MAPKBP1: variants seen among roughly 807,000 people sequenced by gnomAD.
MAPKBP1 encodes the protein mitogen-activated protein kinase binding protein 1.
MAPKBP1 carries 71 observed loss-of-function variants against 170.5 expected under a neutral mutation model. The observed-to-expected ratio is 0.42, with a 90% confidence interval of 0.34 to 0.51. The LOEUF is 0.51. Ranked by LOEUF, MAPKBP1 falls within the 20% of genes least tolerant of loss-of-function variation. The pLI is 0.06. For synonymous variants in MAPKBP1, 719 were observed against 757.9 expected (o/e 0.95, Z 0.84); for missense variants, 1,598 against 1,933.0 (o/e 0.83, Z 3.25).
chr15:41,797,901 A>G (rs763716144), intron 2 of MAPKBP1, among the ~76,000 whole-genome samples: 1 of 152,166 alleles, frequency 6.6e-6, no homozygotes, highest in African/African-American at 2.4e-5. Context: ...TTCGGCCACC[A>G]CAGGGCATTT....
intron 2 of MAPKBP1, among the ~76,000 whole-genome samples, chr15:41,795,223 T>C (rs954530553): frequency 1.3e-5 from 2 of 150,534 alleles, no homozygotes; most frequent in Non-Finnish European, 3.0e-5. Flanking sequence ...AAATTGGGTA[T>C]AAGATTATGG....
Position 41,775,313 on chromosome 15 carries a change from A to G in MAPKBP1, c.38A>G (p.Lys13Arg). 6.2e-7 allele frequency: 1 copy of G among 1,614,212 alleles called. No homozygotes were observed. Among genetic ancestry groups the G allele is most frequent in the Middle Eastern group, 1.6e-4 (1 of 6,062 alleles). The change falls in exon 2 of 31, where the codon AAG becomes AGG. Residue 13 changes from lysine (K) to arginine (R), a missense_variant. Physicochemically the swap from Lys to Arg is conservative, Grantham distance 26. This residue lies in a region of MAPKBP1 where 151 missense variants were observed against 191.4 expected (regional missense o/e 0.79). Coordinates refer to ENST00000457542, the MANE Select transcript of MAPKBP1 (RefSeq NM_014994.3). ...VEGSTITSRI[K>R]NLLRSPSIKL... ...GGGTCAACCATTACCAGCCGGATCA[A>G]GAATCTGTTGAGATCTCCATCCATC...
Position 41,812,644 on chromosome 15 carries a change from G to T in MAPKBP1, c.627G>T (p.Lys209Asn). The T allele has an allele frequency of 6.2e-7, 1 of 1,601,864 alleles. No individual in the cohort carries two copies. The highest frequency in any genetic ancestry group is 1.1e-5 in the South Asian group (1 of 89,292). ...HIKFWYLDDS[K>N]TSKVNATVPL... ...AATTCTGGTATCTCGATGACAGCAA[G>T]ACCTCAAAGGTGAGGTGCTGAAGCT... The change falls in exon 7 of 31, where the codon AAG (lysine) becomes AAT (asparagine). Residue 209 changes from lysine (K) to asparagine (N), a missense_variant. Transcript: ENST00000457542.
chr15:41,795,399 G>A (rs900164771), intron 2 of MAPKBP1, among the ~76,000 whole-genome samples: 2 of 151,926 alleles, frequency 1.3e-5, no homozygotes. Flanking sequence ...AGTTGGTAAG[G>A]TGGCTGGGGT....
In MAPKBP1 at chr15:41,818,886, G is replaced by A. The variant is rs1448488383; in HGVS notation, c.2220G>A (p.Glu740=). Reference sequence around the variant, plus strand: ...TCAGCATGAGGCAGCGTCTGGCCGAGTTGCGCCAGCGTCAGCGGGGCGGCA... The same window carrying A: ...TCAGCATGAGGCAGCGTCTGGCCGAATTGCGCCAGCGTCAGCGGGGCGGCA... ...MTISMRQRLA[E]LRQRQRGGKQ... Residue 740 remains glutamate, a synonymous_variant, in exon 20 of 31, where the codon GAG becomes GAA. Coordinates refer to ENST00000457542, the MANE Select transcript of MAPKBP1 (RefSeq NM_014994.3). The surrounding 1 kb of genome is among the most constrained non-coding windows in gnomAD (Gnocchi z 5.2). 6.2e-7 allele frequency: 1 copy of A among 1,614,250 alleles called. No individual in the cohort carries two copies. Among genetic ancestry groups the A allele is most frequent in the South Asian group, 1.1e-5 (1 of 91,088 alleles).
chr15:41,812,426 A>T (rs1199824909), intron 6 of MAPKBP1, 90 bp from the exon 7 acceptor site: 48 of 1,549,070 alleles, frequency 3.1e-5, no homozygotes, highest in Non-Finnish European at 4.1e-5. Context: ...TTTGTCAAGT[A>T]CAAATTCTAA....
At chr15:41,816,531 C>G in intron 12 of MAPKBP1, 28 bp from the exon 13 acceptor site, 1 of 1,560,380 alleles carries the variant, frequency 6.4e-7, no homozygotes, top group African/African-American at 1.4e-5. Context: ...TGGCCATGGC[C>G]TCTTCCCACC....
chr15:41,789,454 C>T (rs1050162013), intron 2 of MAPKBP1, among the ~76,000 whole-genome samples: 2 of 152,168 alleles, frequency 1.3e-5, no homozygotes, highest in African/African-American at 2.4e-5. Flanking sequence ...GACTTGGGCA[C>T]GTGCTGATGA....
chr15:41,791,051 T>C (rs2064387482), intron 2 of MAPKBP1, among the ~76,000 whole-genome samples: 1 of 152,168 alleles, frequency 6.6e-6, no homozygotes. Flanking sequence ...GTTCTTAACC[T>C]GCAGGAAGGG....
rs377003893 is a variant in MAPKBP1, at chr15:41,821,021, C to T, written c.2671C>T (p.Pro891Ser). The change falls in exon 23 of 31, where the codon CCC becomes TCC. Residue 891 changes from proline to serine, a missense_variant. Physicochemically the swap from Pro to Ser is moderately conservative, Grantham distance 74 (BLOSUM62 -1). Around this residue, in one of 6 missense-constraint regions of MAPKBP1, gnomAD observed 942 missense variants for 953.2 expected, o/e 0.99. Coordinates refer to ENST00000457542, the MANE Select transcript of MAPKBP1 (RefSeq NM_014994.3). ...QDSLAIIPSG[P>S]RKHGQEALET... ...CTCGCTGGCCATCATCCCATCTGGT[C>T]CCAGGAAGCATGGGCAGGAGGCCCT... is the stretch of plus-strand genomic sequence containing the variant. 5.6e-6 allele frequency: 9 copies of T among 1,614,172 alleles called. No homozygotes were observed. In the South Asian group the frequency reaches 8.8e-5, roughly 16 times the overall value.
chr15:41,817,791 G>C lies in MAPKBP1; in HGVS notation c.1904+56G>C, dbSNP rs1213459314. On this transcript the variant is annotated intron_variant, in intron 16 of 30. Transcript: ENST00000457542. The surrounding 1 kb of genome is among the most constrained non-coding windows in gnomAD (Gnocchi z 4.2). ...ATTCCTTCATCTCCCTACGGGGTCAGCTCTGTGCAGCTAAGTTCCCACATC... is the reference window on the plus strand; with the variant it reads ...ATTCCTTCATCTCCCTACGGGGTCACCTCTGTGCAGCTAAGTTCCCACATC... The C allele has an allele frequency of 6.3e-6, 10 of 1,595,296 alleles. No individual in the cohort carries two copies. Among genetic ancestry groups the C allele is most frequent in the Middle Eastern group, 1.7e-4 (1 of 6,036 alleles).
chr15:41,799,588 GGTACCAGCAGACTGAGC>G (rs1207506679), intron 2 of MAPKBP1, among the ~76,000 whole-genome samples: 1 of 152,116 alleles, frequency 6.6e-6, no homozygotes, highest in Non-Finnish European at 1.5e-5. Flanking sequence ...TCTTTCCTGT[GGTACCAGCAGACTGAGC>G]CCTGCCGAAA....
chr15:41,815,515 A>G (rs2064875347), intron 11 of MAPKBP1, 109 bp from the exon 12 acceptor site: 4 of 1,552,128 alleles, frequency 2.6e-6, no homozygotes, highest in Non-Finnish European at 3.5e-6. Context: ...TCCAGCCTTC[A>G]TTTGGCTGTG....
At chr15:41,816,446 A>G in intron 12 of MAPKBP1, 113 bp from the exon 13 acceptor site, 1 of 677,442 alleles carries the variant, frequency 1.5e-6, no homozygotes, top group South Asian at 1.8e-5. Context: ...CTTTTCTCTA[A>G]GCCTAAAAGT....
chr15:41,821,974 A>G lies in MAPKBP1; in HGVS notation c.2895A>G (p.Gln965=). 1 of 1,611,292 alleles carries G rather than the reference A, an allele frequency of 6.2e-7. No individual in the cohort carries two copies. Among genetic ancestry groups the G allele is most frequent in the Non-Finnish European group, 8.5e-7 (1 of 1,178,880 alleles). The stretch of plus-strand genomic sequence containing the variant: ...GCTGGAATCCTGACAGTGAGTTCCA[A>G]GTGCAGGCTCCAGCCCGGGGAACTC... ...DNPTMDTSEF[Q]VQAPARGTLG... is the part of the protein sequence containing the mutation. The change falls in exon 25 of 31, where the codon CAA becomes CAG. Residue 965 remains glutamine (Q), a synonymous_variant. Transcript: ENST00000457542.
rs767687881 is a variant in MAPKBP1, at chr15:41,819,553, G to T, written c.2426-42G>T. The T allele has an allele frequency of 7.8e-5, 117 of 1,502,878 alleles. 1 individual carries two copies. The highest frequency in any genetic ancestry group is 4.2e-4 in the African/African-American group (30 of 70,912). 93.1% of individuals were successfully genotyped at this position (1,502,878 alleles called of 1,614,324 possible). ...GGGCTCCAGGGTTGGGTGGCGGGGGGGGGGCAGGAGACACTTCCTCTGACT... is the reference window on the plus strand; with the variant it reads ...GGGCTCCAGGGTTGGGTGGCGGGGGTGGGGCAGGAGACACTTCCTCTGACT... On this transcript the variant is annotated intron_variant, in intron 21 of 30. Coordinates refer to ENST00000457542, the MANE Select transcript of MAPKBP1 (RefSeq NM_014994.3).
At chr15:41,819,552 G>GGGGGGC in intron 21 of MAPKBP1, 43 bp from the exon 22 acceptor site, 1 of 1,508,796 alleles carries the variant, frequency 6.6e-7, no homozygotes, top group Non-Finnish European at 9.1e-7. Flanking sequence ...GGTGGCGGGG[G>GGGGGGC]GGGGGCAGGA....
chr15:41,811,154 C>T, intron 4 of MAPKBP1, 24 bp from the exon 5 acceptor site: 1 of 1,613,930 alleles, frequency 6.2e-7, no homozygotes, highest in South Asian at 1.1e-5. Flanking sequence ...CAGTGCCCCT[C>T]TGAGCCTGCC....
In MAPKBP1 at chr15:41,817,755, ACT is replaced by A. The variant is rs1170500458; in HGVS notation, c.1904+23_1904+24del. On this transcript the variant is annotated intron_variant, in intron 16 of 30. Transcript: ENST00000457542. This position sits in a 1 kb window ranked among gnomAD's most constrained non-coding sequence, Gnocchi z 4.2. ...TATTCGGTGGGCGTCCCCTCCTCAG[ACT>A]CTGCCCACATTCCTTCATCTCCCTA... 4 of 1,608,078 alleles carry A rather than the reference ACT, an allele frequency of 2.5e-6. No homozygotes were observed. The highest frequency in any genetic ancestry group is 2.2e-5 in the South Asian group (2 of 90,344).
Sources: allele counts gnomAD v4.1 joint callset (sites outside exome capture counted in the v4.1 genomes callset), GRCh38; gene constraint gnomAD v4.1.1; regional missense constraint gnomAD v4.1.1; non-coding constraint Gnocchi (gnomAD v3.1); transcripts MANE v1.5; gene names NCBI Gene and HGNC (gene_info 2026-07-23, HGNC 2026-07-21).